Variants in FOCAD observed in about 807,000 individuals in gnomAD.
The protein encoded by FOCAD is KIAA1797.
Under a neutral mutation model 225.6 loss-of-function variants are expected in FOCAD, and 198 were observed. The observed-to-expected ratio is 0.88, with a 90% CI of 0.78 to 0.99. The LOEUF (loss-of-function observed/expected upper bound fraction) is 0.99, where lower values mean the gene tolerates loss of function less well. Ranked by LOEUF, FOCAD falls within the 50% of genes least tolerant of loss-of-function variation. The probability of loss-of-function intolerance (pLI) is 0.00; values close to 1 mark genes in which losing one functional copy is unlikely to be tolerated. For missense variants in FOCAD, 2,713 were observed against 2,123.6 expected, an observed-to-expected ratio of 1.28 and a Z score of -5.46; for synonymous variants, 897 against 755.0, an observed-to-expected ratio of 1.19 and a Z score of -3.08.
At chr9:20,846,269 G>T (rs1827099829) in intron 15 of FOCAD, among the ~76,000 whole-genome samples, 1 of 152,082 alleles carries the variant, frequency 6.6e-6, no homozygotes, top group South Asian at 2.1e-4. Flanking sequence ...TTTTTGCCCA[G>T]TTTTGCCTTT....
At chr9:20,710,734 T>C (rs1159894294) in intron 1 of FOCAD, among the ~76,000 whole-genome samples, 2 of 152,202 alleles carry the variant, frequency 1.3e-5, no homozygotes, top group Non-Finnish European at 2.9e-5. Flanking sequence ...AAAATGTTTG[T>C]TTTCTTTGAT....
At chr9:20,713,884 G>A (rs1190839200) in intron 1 of FOCAD, among the ~76,000 whole-genome samples, 1 of 152,194 alleles carries the variant, frequency 6.6e-6, no homozygotes, top group Non-Finnish European at 1.5e-5. Flanking sequence ...ACACAATTGG[G>A]AAGTTAAAAA....
rs1177676470 is a variant in FOCAD, at chr9:20,752,028, G to A, written c.393-6062G>A. On this transcript the variant is annotated intron_variant, in intron 5 of 43. Transcript: ENST00000338382. ...TTGTTTGTTTTTTTCTTGTAAATTT[G>A]TTTGAGTTCATTGTAGATTCTGGAT... Among the ~76,000 whole-genome samples the A allele has an allele frequency of 2.5e-4, 34 of 134,398 alleles. 1 individual carries two copies. The highest frequency in any genetic ancestry group is 7.4e-4 in the African/African-American group (27 of 36,530). The allele number at this position is 134,398 out of a possible 152,430, so 88.2% of individuals were successfully genotyped here. A position where few individuals can be genotyped will look rare whatever the true frequency, so the allele number is the denominator to read the frequency against.
rs1840251196 is a variant in FOCAD at position 20,976,551 on chromosome 9, A to G, written c.4261+3A>G. 2 of 1,612,288 alleles carry G rather than the reference A, an allele frequency of 1.2e-6. No individual in the cohort carries two copies. The highest frequency in any genetic ancestry group is 1.7e-6 in the Non-Finnish European group (2 of 1,178,770). ...TCCACTTATGAGGCTAAATTTTGGT[A>G]AATATCATGTGTTTTTAAGTCTTCA... On this transcript the variant is annotated splice_donor_region_variant and intron_variant, in intron 36 of 43. Transcript: ENST00000338382.
chr9:20,832,319 G>C (rs998119761), intron 15 of FOCAD, among the ~76,000 whole-genome samples: 1 of 151,870 alleles, frequency 6.6e-6, no homozygotes, highest in African/African-American at 2.4e-5. Flanking sequence ...CTTTTCTTCT[G>C]TTCTCCCCAA....
At chr9:20,741,892 G>C (rs372338886) in intron 5 of FOCAD, among the ~76,000 whole-genome samples, 1 of 152,010 alleles carries the variant, frequency 6.6e-6, no homozygotes, top group Non-Finnish European at 1.5e-5. Context: ...TTGTTGTTAA[G>C]ATGGGCTTAT....
intron 21 of FOCAD, among the ~76,000 whole-genome samples, chr9:20,901,269 T>G (rs779297626): frequency 6.6e-6 from 1 of 151,570 alleles, no homozygotes; most frequent in Non-Finnish European, 1.5e-5. Flanking sequence ...AGTATGCATA[T>G]GTGTGTCTGG....
chr9:20,788,725 T>G (rs1820204615), intron 10 of FOCAD, among the ~76,000 whole-genome samples: 1 of 152,238 alleles, frequency 6.6e-6, no homozygotes, highest in Non-Finnish European at 1.5e-5. Context: ...TGGCCCCGAC[T>G]GCACTGCTTT....
chr9:20,953,094 C>G (rs1554739566), intron 35 of FOCAD, 29 bp downstream of exon 35: 15 of 1,539,278 alleles, frequency 9.7e-6, no homozygotes, highest in Non-Finnish European at 1.3e-5. Flanking sequence ...TGAATTTTAT[C>G]ATTCTATCTC....
At chr9:20,747,819 AGT>A (rs1828181184) in intron 5 of FOCAD, among the ~76,000 whole-genome samples, 1 of 109,892 alleles carries the variant, frequency 9.1e-6, no homozygotes, top group Non-Finnish European at 2.1e-5. Context: ...TTGCATTTTT[AGT>A]GTTTTTTTTT....
chr9:20,969,130 A>G (rs1011769841), intron 35 of FOCAD, among the ~76,000 whole-genome samples: 3 of 152,008 alleles, frequency 2.0e-5, no homozygotes, highest in Admixed American at 2.0e-4. Context: ...GTTTATGAAA[A>G]TACTTGGTAT....
At chr9:20,871,353 C>T (rs1240659773) in intron 18 of FOCAD, among the ~76,000 whole-genome samples, 6 of 151,704 alleles carry the variant, frequency 4.0e-5, no homozygotes, top group African/African-American at 1.2e-4. Flanking sequence ...TTTTCTTTTG[C>T]GCCAACCTAA....
chr9:20,783,593 T>C (rs1447399052), intron 10 of FOCAD, among the ~76,000 whole-genome samples: 2 of 152,048 alleles, frequency 1.3e-5, no homozygotes, highest in Non-Finnish European at 2.9e-5. Context: ...ATTTTTTTTT[T>C]TTTTTGAGAC....
chr9:20,877,222 G>A (rs1328777323), intron 19 of FOCAD, among the ~76,000 whole-genome samples: 2 of 152,022 alleles, frequency 1.3e-5, no homozygotes, highest in Non-Finnish European at 2.9e-5. Flanking sequence ...GTCCTTGAGG[G>A]GTTTGGGCCA....
intron 12 of FOCAD, 59 bp from the exon 13 acceptor site, chr9:20,820,265 A>C: frequency 2.4e-6 from 3 of 1,250,618 alleles, no homozygotes; most frequent in Non-Finnish European, 3.4e-6. Context: ...TGCTTTTGGT[A>C]ACCTCGAGGT....
At chr9:20,684,734 T>G (rs1304828990) in intron 1 of FOCAD, 1 of 152,446 alleles carries the variant, frequency 6.6e-6, no homozygotes, top group Admixed American at 6.5e-5. Context: ...GGCCGCGTCC[T>G]GCCTGGCCTG....
intron 11 of FOCAD, among the ~76,000 whole-genome samples, chr9:20,815,783 G>T (rs1174701020): frequency 6.6e-6 from 1 of 152,112 alleles, no homozygotes; most frequent in Admixed American, 6.6e-5. Context: ...AGCATTCATT[G>T]TATTTTCAGC....
In FOCAD at chr9:20,801,130, C is replaced by T. The variant is rs556457697; in HGVS notation, c.1455+11522C>T. The stretch of plus-strand genomic sequence containing the variant: ...GAGGTCCACTCCAGACCCTGTTTGC[C>T]TGGGTATCAGCAGCGGAGGCTGCAG... On this transcript the variant is annotated intron_variant, in intron 11 of 43. Transcript: ENST00000338382. Among the ~76,000 whole-genome samples the T allele has an allele frequency of 3.9e-5, 6 of 152,240 alleles. 1 individual carries two copies. The highest frequency in any genetic ancestry group is 1.3e-4 in the Admixed American group (2 of 15,288).
chr9:20,671,174 C>T (rs924747492), intron 2 of FOCAD, among the ~76,000 whole-genome samples: 13 of 151,636 alleles, frequency 8.6e-5, no homozygotes, highest in Non-Finnish European at 1.5e-4. Flanking sequence ...ATAAATATGT[C>T]AGGCCAATTA....
Sources: gnomAD v4.1 joint callset for allele counts (sites outside exome capture counted in the v4.1 genomes callset) on GRCh38, gnomAD v4.1.1 for gene constraint, MANE v1.5 for transcripts, NCBI Gene and HGNC (gene_info 2026-07-23, HGNC 2026-07-21) for gene names.